Variants in GALNT9 observed in about 807,000 individuals in gnomAD.
The protein encoded by GALNT9 is polypeptide N-acetylgalactosaminyltransferase 9, also known as GalNAc transferase 9.
In GALNT9, 47 loss-of-function variants were observed where a neutral mutation model predicts 63.1. The observed-to-expected ratio is 0.75, with a 90% confidence interval of 0.59 to 0.95. The LOEUF is 0.95. Among genes scored for constraint, GALNT9 ranks in the 40% least tolerant of loss-of-function variants. GALNT9 has a pLI of 0.00. For synonymous variants in GALNT9, 396 were observed against 365.7 expected (o/e 1.08, Z -0.94); for missense variants, 829 against 874.8 (o/e 0.95, Z 0.66).
intron 2 of GALNT9, among the ~76,000 whole-genome samples, chr12:132,266,921 T>C (rs28477370): frequency 0.013 from 1,922 of 151,794 alleles, 36 homozygotes; most frequent in South Asian, 0.097. Context: ...AGGCTCAGGG[T>C]CTCCCTTGGC....
chr12:132,318,166 T>G (rs1474513159), intron 1 of GALNT9, among the ~76,000 whole-genome samples: 3 of 152,086 alleles, frequency 2.0e-5, no homozygotes, highest in African/African-American at 7.2e-5. Context: ...CACTTGACCC[T>G]GGGTGGTGGG....
chr12:132,239,511 C>A (rs2136897064), intron 6 of GALNT9, among the ~76,000 whole-genome samples: 8 of 144,090 alleles, frequency 5.6e-5, no homozygotes, highest in Non-Finnish European at 1.1e-4. Context: ...GAGAGACACA[C>A]ACACTGAGAG....
At chr12:132,200,853 G>GGTGT (rs1404335376) in intron 8 of GALNT9, 3 of 477,682 alleles carry the variant, frequency 6.3e-6, no homozygotes, top group African/African-American at 5.9e-5. Context: ...TGAAGGAATG[G>GGTGT]GTGTGTATGG....
chr12:132,303,025 TG>T (rs1881362269), intron 1 of GALNT9, among the ~76,000 whole-genome samples: 1 of 152,018 alleles, frequency 6.6e-6, no homozygotes, highest in Non-Finnish European at 1.5e-5. Flanking sequence ...CGATCAGCCC[TG>T]GGGTGAGACG....
Position 132,329,051 on chromosome 12 carries a change from G to C in GALNT9, c.153C>G (p.His51Gln). 1.9e-6 allele frequency: 3 copies of C among 1,546,632 alleles called. No individual in the cohort carries two copies. The highest frequency in any genetic ancestry group is 1.2e-5 in the South Asian group (1 of 83,946). The change falls in exon 1 of 11, where the codon CAC becomes CAG. Residue 51 changes from histidine to glutamine, a missense_variant. By Grantham distance (24) the His-to-Gln change is conservative. Transcript: ENST00000328957. The part of the protein sequence containing the change: ...VSGDRRVRSR[H>Q]AKVGTLGDRE... ...GGTCCCCCAGCGTGCCCACCTTGGC[G>C]TGTCGGCTGCGCACCCGGCGGTCGC... is the stretch of plus-strand genomic sequence containing the variant.
intron 6 of GALNT9, among the ~76,000 whole-genome samples, chr12:132,224,916 C>T (rs977543867): frequency 6.8e-6 from 1 of 147,656 alleles, no homozygotes; most frequent in Non-Finnish European, 1.5e-5. Context: ...TGTATATACA[C>T]GTGCCACATG....
At position 132,261,094 on chromosome 12, in the gene GALNT9, G is replaced by A. The variant is rs527967969; in HGVS notation, c.615C>T (p.Tyr205=). The A allele has an allele frequency of 2.3e-5, 36 of 1,551,438 alleles. No homozygotes were observed. Among genetic ancestry groups the A allele is most frequent in the Admixed American group, 3.9e-5 (2 of 50,916 alleles). The change falls in exon 4 of 11, where the codon TAC becomes TAT. Residue 205 remains tyrosine, a synonymous_variant. Coordinates refer to ENST00000328957, the MANE Select transcript of GALNT9 (RefSeq NM_001122636.2). The part of the protein sequence containing the change: ...NVELKFNLDQ[Y]VNKRYPGLVK... ...CGAGGCCTGGGTACCGCTTGTTGACGTACTGGTCCAGATTGAACTTGAGTT... is the reference window on the plus strand; with the variant it reads ...CGAGGCCTGGGTACCGCTTGTTGACATACTGGTCCAGATTGAACTTGAGTT...
chr12:132,264,216 C>T (rs760966893), intron 2 of GALNT9, among the ~76,000 whole-genome samples: 1 of 152,254 alleles, frequency 6.6e-6, no homozygotes, highest in Non-Finnish European at 1.5e-5. Context: ...GGCCTCCCTG[C>T]AAGCTCATGG....
chr12:132,216,083 GACACAGAAACAGAGACAGAAAGATACAGA>G, intron 6 of GALNT9, among the ~76,000 whole-genome samples: 1 of 146,314 alleles, frequency 6.8e-6, no homozygotes, highest in East Asian at 3.1e-4. Context: ...CGTAGACAGA[GACACAGAAACAGAGACAGAAAGATACAGA>G]GACACAGAAA....
intron 6 of GALNT9, among the ~76,000 whole-genome samples, chr12:132,243,944 G>A (rs2136906102): frequency 3.3e-5 from 5 of 152,072 alleles, no homozygotes; most frequent in African/African-American, 7.2e-5. Flanking sequence ...AAGAAAGAAA[G>A]TTCACCCTAC....
intron 1 of GALNT9, among the ~76,000 whole-genome samples, chr12:132,324,394 T>G (rs1868942050): frequency 6.6e-6 from 1 of 152,126 alleles, no homozygotes; most frequent in African/African-American, 2.4e-5. Context: ...TACCTGGCCC[T>G]CACTCATCAC....
chr12:132,238,932 T>A lies in GALNT9; in HGVS notation c.1077+8978A>T, dbSNP rs1279430194. ...GAGATAACTGTACAAATAAATACAA[T>A]AAGATACACACCGCAGTTAAAGTGG... On this transcript the variant is annotated intron_variant, in intron 6 of 10. Transcript: ENST00000328957. The surrounding 1 kb of genome is among the most constrained non-coding windows in gnomAD (Gnocchi z 6.5). Among the ~76,000 whole-genome samples the A allele has an allele frequency of 6.6e-6, 1 of 152,106 alleles. No individual in the cohort carries two copies. The highest frequency in any genetic ancestry group is 1.5e-5 in the Non-Finnish European group (1 of 68,020).
intron 6 of GALNT9, among the ~76,000 whole-genome samples, chr12:132,247,089 G>A (rs797038352): frequency 2.0e-5 from 3 of 152,088 alleles, no homozygotes; most frequent in East Asian, 1.9e-4. Context: ...TAAAAAACCC[G>A]CAACCTCCAA....
At chr12:132,239,516 TGA>T (rs1259313266) in intron 6 of GALNT9, among the ~76,000 whole-genome samples, 1 of 74,110 alleles carries the variant, frequency 1.3e-5, no homozygotes, top group African/African-American at 5.5e-5. Flanking sequence ...ACACACACAC[TGA>T]GAGACTGAGA....
Position 132,329,277 on chromosome 12 carries a change from G to C in GALNT9, c.-74C>G. 1 of 1,488,386 alleles carries C rather than the reference G, an allele frequency of 6.7e-7. No individual in the cohort carries two copies. The highest frequency in any genetic ancestry group is 9.0e-7 in the Non-Finnish European group (1 of 1,114,936). 92.2% of individuals were successfully genotyped at this position (1,488,386 alleles called of 1,614,324 possible). A position where few individuals can be genotyped will look rare whatever the true frequency, so the allele number is the denominator to read the frequency against. ...CCGCCCGGGCCTGGGCTTCAGCTTC[G>C]GCTTCGGGGACCATGAGCCGCCCGG... On this transcript the variant is annotated 5_prime_UTR_variant, in exon 1 of 11. Transcript: ENST00000328957.
intron 5 of GALNT9, among the ~76,000 whole-genome samples, chr12:132,254,009 C>A (rs868990048): frequency 6.7e-6 from 1 of 150,192 alleles, no homozygotes; most frequent in East Asian, 2.0e-4. Flanking sequence ...CTTGAAAATG[C>A]CCTTCACTGT....
At chr12:132,259,996 C>T (rs1347969574) in intron 4 of GALNT9, among the ~76,000 whole-genome samples, 1 of 148,584 alleles carries the variant, frequency 6.7e-6, no homozygotes, top group African/African-American at 2.5e-5. Context: ...TGCCTGGGTG[C>T]GGGGAACACA....
intron 1 of GALNT9, among the ~76,000 whole-genome samples, chr12:132,287,414 G>A (rs1263264102): frequency 6.6e-6 from 1 of 152,164 alleles, no homozygotes; most frequent in Non-Finnish European, 1.5e-5. Context: ...ATCCCCACCA[G>A]CCCTTGACAC....
chr12:132,250,204 T>C (rs1593084771), intron 5 of GALNT9, among the ~76,000 whole-genome samples: 1 of 151,912 alleles, frequency 6.6e-6, no homozygotes, highest in Non-Finnish European at 1.5e-5. Context: ...TTGCCCCCCG[T>C]GTGACTCCGT....
Sources: allele counts gnomAD v4.1 joint callset (sites outside exome capture counted in the v4.1 genomes callset), GRCh38; gene constraint gnomAD v4.1.1; non-coding constraint Gnocchi (gnomAD v3.1); transcripts MANE v1.5; gene names NCBI Gene and HGNC (gene_info 2026-07-23, HGNC 2026-07-21).